JPH2: variants seen among roughly 807,000 people sequenced by gnomAD.
The protein encoded by JPH2 is junctophilin 2.
JPH2 carries 38 observed loss-of-function variants against 55.9 expected under a neutral mutation model. The ratio of observed to expected loss-of-function variants is 0.68; its 90% CI spans 0.52 to 0.89. The LOEUF (loss-of-function observed/expected upper bound fraction) is 0.89. Among genes scored for constraint, JPH2 ranks in the 40% least tolerant of loss-of-function variants. JPH2 has a pLI of 0.00. For synonymous variants in JPH2, 480 were observed against 472.4 expected (o/e 1.02, Z -0.21); for missense variants, 964 against 1,037.6 (o/e 0.93, Z 0.97).
rs2072369397 is a variant in JPH2, at chr20:44,134,355, T to TATATAATAAATATTTATTATAA, written c.1170-15733_1170-15732insTTATAATAAATATTTATTATAT. On this transcript the variant is annotated intron_variant, in intron 2 of 5. Coordinates refer to ENST00000372980, the MANE Select transcript of JPH2 (RefSeq NM_020433.5). ...ATATATAATAAATATTTATTATAAA[T>TATATAATAAATATTTATTATAA]ATATATATTTATTATAAATATATAT... 4.0e-4 allele frequency among the ~76,000 whole-genome samples: 2 copies of TATATAATAAATATTTATTATAA among 5,050 alleles called. 1 individual carries two copies. The highest frequency in any genetic ancestry group is 2.4e-3 in the African/African-American group (2 of 824). The allele number at this position is 5,050 out of a possible 152,430, so 3.3% of individuals were successfully genotyped here.
chr20:44,156,002 C>T (rs1361739736), intron 2 of JPH2, among the ~76,000 whole-genome samples: 1 of 149,398 alleles, frequency 6.7e-6, no homozygotes, highest in African/African-American at 2.5e-5. Context: ...CACCACTGCA[C>T]TCCAGCCTGG....
chr20:44,130,779 T>C (rs2072312302), intron 2 of JPH2, among the ~76,000 whole-genome samples: 1 of 152,268 alleles, frequency 6.6e-6, no homozygotes. Context: ...CTATTTTAGC[T>C]TTTGAGCCTT....
intron 2 of JPH2, among the ~76,000 whole-genome samples, chr20:44,133,814 C>T (rs142002871): frequency 1.6e-3 from 220 of 134,792 alleles, no homozygotes; most frequent in East Asian, 5.7e-3. Context: ...AGGCAGGGGG[C>T]GATATAAATA....
rs886929209 is a variant in JPH2, at chr20:44,113,262, C to T, written c.*256G>A. The T allele has an allele frequency of 2.0e-5, 3 of 152,350 alleles. No homozygotes were observed. The highest frequency in any genetic ancestry group is 7.2e-5 in the African/African-American group (3 of 41,440). 9.4% of individuals were successfully genotyped at this position (152,350 alleles called of 1,614,324 possible). ...TCAGGAAGCTCAAGAGACCAGGGCG[C>T]TTCTCTCTGGGCTCTCCTTGCCCCT... On this transcript the variant is annotated 3_prime_UTR_variant, in exon 6 of 6. Transcript: ENST00000372980.
Position 44,129,568 on chromosome 20 carries a change from AAC to A in JPH2, c.1170-10947_1170-10946del, listed in dbSNP as rs1343053383. Among the ~76,000 whole-genome samples the A allele has an allele frequency of 5.2e-3, 345 of 65,908 alleles. 19 individuals are homozygous for A. Among genetic ancestry groups the A allele is most frequent in the East Asian group, 0.017 (27 of 1,578 alleles). 43.2% of individuals were successfully genotyped at this position (65,908 alleles called of 152,430 possible). A position where few individuals can be genotyped will look rare whatever the true frequency, so the allele number is the denominator to read the frequency against. On this transcript the variant is annotated intron_variant, in intron 2 of 5. Coordinates refer to ENST00000372980, the MANE Select transcript of JPH2 (RefSeq NM_020433.5). ...AGGCTGTCTCAAAAAAAAAAAAAAA[AAC>A]AAAAAAAACAAAACCATTGCTGCTT...
At chr20:44,145,706 G>A (rs112812014) in intron 2 of JPH2, among the ~76,000 whole-genome samples, 1,682 of 152,072 alleles carry the variant, frequency 0.011, 35 homozygotes, top group African/African-American at 0.038. Context: ...ACTTTGTGGA[G>A]TTCTGTCCTC....
intron 3 of JPH2, 83 bp downstream of exon 3, chr20:44,118,422 G>T: frequency 9.4e-7 from 1 of 1,067,182 alleles, no homozygotes; most frequent in Non-Finnish European, 1.4e-6. Context: ...AACCACTTGG[G>T]CATCTCAGAT....
In JPH2 at chr20:44,116,205, C is replaced by T; in HGVS notation, c.1470G>A (p.Thr490=). 1 of 1,390,808 alleles carries T rather than the reference C, an allele frequency of 7.2e-7. No individual in the cohort carries two copies. The allele number at this position is 1,390,808 out of a possible 1,614,324, so 86.2% of individuals were successfully genotyped here. Residue 490 remains threonine (T), a synonymous_variant, in exon 4 of 6, where the codon ACG becomes ACA. Transcript: ENST00000372980. ...PEGGSPSPAG[T]PPQPKRPRPG... is the part of the protein sequence containing the mutation. ...GCCTGGGCCGCTTGGGCTGCGGGGGCGTCCCGGCCGGTGACGGGGAGCCAC... is the reference window on the plus strand; with the variant it reads ...GCCTGGGCCGCTTGGGCTGCGGGGGTGTCCCGGCCGGTGACGGGGAGCCAC...
At chr20:44,161,242 G>A (rs114821902) in intron 1 of JPH2, among the ~76,000 whole-genome samples, 20 of 152,330 alleles carry the variant, frequency 1.3e-4, no homozygotes, top group African/African-American at 3.6e-4. Flanking sequence ...TCCAGGCTGA[G>A]TGTGTGAGGT....
At chr20:44,166,540 A>C (rs1352732663) in intron 1 of JPH2, among the ~76,000 whole-genome samples, 3 of 152,184 alleles carry the variant, frequency 2.0e-5, no homozygotes, top group African/African-American at 7.2e-5. Context: ...AAAAACTGAG[A>C]TTGCAACAGG....
rs1444298434 is a variant in JPH2 at position 44,132,347 on chromosome 20, GACAGACAGAC to G, written c.1170-13734_1170-13725del. 1.8e-3 allele frequency among the ~76,000 whole-genome samples: 159 copies of G among 88,824 alleles called. 1 individual carries two copies. Among genetic ancestry groups the G allele is most frequent in the African/African-American group, 6.2e-3 (106 of 17,012 alleles). 58.3% of individuals were successfully genotyped at this position (88,824 alleles called of 152,430 possible). On this transcript the variant is annotated intron_variant, in intron 2 of 5. Coordinates refer to ENST00000372980, the MANE Select transcript of JPH2 (RefSeq NM_020433.5). The stretch of plus-strand genomic sequence containing the variant: ...CTGTGAATGAGGTGGAAGGGAGGCA[GACAGACAGAC>G]ACACACACACACACACACACACACA...
chr20:44,134,885 TATTAATATATATTTATATATATATATAAA>T (rs1569195816), intron 2 of JPH2, among the ~76,000 whole-genome samples: 7 of 45,746 alleles, frequency 1.5e-4, no homozygotes, highest in Admixed American at 1.2e-3. Flanking sequence ...TTTATATATA[TATTAATATATATTTATATATATATATAAA>T]ATATATATAT....
intron 2 of JPH2, among the ~76,000 whole-genome samples, chr20:44,138,325 G>A (rs145731741): frequency 1.6e-4 from 22 of 137,202 alleles, no homozygotes; most frequent in South Asian, 4.9e-4. Context: ...GCTTTAATGC[G>A]TCTCTTACAC....
At chr20:44,161,880 A>G (rs917382987) in intron 1 of JPH2, among the ~76,000 whole-genome samples, 2 of 151,212 alleles carry the variant, frequency 1.3e-5, no homozygotes, top group Non-Finnish European at 2.9e-5. Context: ...TATATCCCCA[A>G]CCCCTCCCTC....
At chr20:44,169,990 C>G (rs1239922335) in intron 1 of JPH2, among the ~76,000 whole-genome samples, 1 of 152,166 alleles carries the variant, frequency 6.6e-6, no homozygotes, top group Non-Finnish European at 1.5e-5. Context: ...TGCCTAGCCT[C>G]CAGAACTCTA....
intron 2 of JPH2, among the ~76,000 whole-genome samples, chr20:44,122,027 C>A (rs2072241394): frequency 6.6e-6 from 1 of 152,084 alleles, no homozygotes; most frequent in Non-Finnish European, 1.5e-5. Context: ...CCCAAGCTTA[C>A]ATAGCTAGTA....
intron 2 of JPH2, among the ~76,000 whole-genome samples, chr20:44,151,460 C>T (rs988192917): frequency 1.3e-5 from 2 of 151,814 alleles, no homozygotes; most frequent in South Asian, 2.1e-4. Flanking sequence ...GAGGTTGCAG[C>T]GAGCCGAGAT....
chr20:44,177,516 C>T (rs2072744343), intron 1 of JPH2: 1 of 1,038,992 alleles, frequency 9.6e-7, no homozygotes, highest in Admixed American at 5.0e-5. Flanking sequence ...CTTTTCTGTT[C>T]TGCTAAGGGT....
rs372861640 is a variant in JPH2, at chr20:44,109,585, G to C, written c.*3933C>G. On this transcript the variant is annotated 3_prime_UTR_variant, in exon 6 of 6. Coordinates refer to ENST00000372980, the MANE Select transcript of JPH2 (RefSeq NM_020433.5). ...CAGCAAGACAGGCTGAGAGAGTGAGGGAGTGGGAACTGGCCTCCATAGGCA... is the reference window on the plus strand; with the variant it reads ...CAGCAAGACAGGCTGAGAGAGTGAGCGAGTGGGAACTGGCCTCCATAGGCA... 6.6e-6 allele frequency among the ~76,000 whole-genome samples: 1 copy of C among 152,206 alleles called. No individual in the cohort carries two copies. The highest frequency in any genetic ancestry group is 1.9e-4 in the East Asian group (1 of 5,196).
Sources: gnomAD v4.1 joint callset for allele counts (sites outside exome capture counted in the v4.1 genomes callset) on GRCh38, gnomAD v4.1.1 for gene constraint, MANE v1.5 for transcripts, NCBI Gene and HGNC (gene_info 2026-07-23, HGNC 2026-07-21) for gene names.